SRGAP2: variants seen among roughly 807,000 people sequenced by gnomAD.
The protein encoded by SRGAP2 is SLIT-ROBO Rho GTPase activating protein 2.
Under a neutral mutation model 57.2 loss-of-function variants are expected in SRGAP2, and 15 were observed. The ratio of observed to expected loss-of-function variants is 0.26; its 90% CI spans 0.18 to 0.40. SRGAP2 has a LOEUF of 0.40. Among genes scored for constraint, SRGAP2 ranks in the 10% least tolerant of loss-of-function variants. The probability of loss-of-function intolerance (pLI) is 1.00; values close to 1 mark genes in which losing one functional copy is unlikely to be tolerated. For synonymous variants in SRGAP2, 249 were observed against 248.0 expected (o/e 1.00, Z -0.04); for missense variants, 520 against 669.6 (o/e 0.78, Z 2.47).
chr1:206,279,626 C>T (rs1364226132), intron 2 of SRGAP2, among the ~76,000 whole-genome samples: 1 of 138,066 alleles, frequency 7.2e-6, no homozygotes, highest in African/African-American at 2.9e-5. Context: ...CTTATTTTGC[C>T]CAGGCTGGTC....
intron 2 of SRGAP2, among the ~76,000 whole-genome samples, chr1:206,210,182 A>G (rs1553302144): frequency 6.7e-6 from 1 of 149,118 alleles, no homozygotes; most frequent in Non-Finnish European, 1.5e-5. Context: ...TCTGGGTGGT[A>G]TTTGGGTGAA....
chr1:206,454,412 G>A lies in SRGAP2; in HGVS notation c.2361-466G>A. On this transcript the variant is annotated intron_variant, in intron 20 of 22. Transcript: ENST00000573034. The surrounding 1 kb of genome is among the most constrained non-coding windows in gnomAD (Gnocchi z 4.3). ...CTTGGATGCTCTGAGCGGGGCTAGA[G>A]GCGCTACGACAGTGTGTGGCGGTGT... 1 of 573,142 alleles carries A rather than the reference G, an allele frequency of 1.7e-6. No homozygotes were observed. The highest frequency in any genetic ancestry group is 3.1e-6 in the Non-Finnish European group (1 of 322,784). 35.5% of individuals were successfully genotyped at this position (573,142 alleles called of 1,614,324 possible).
intron 2 of SRGAP2, among the ~76,000 whole-genome samples, chr1:206,293,817 TG>T (rs1406986829): frequency 2.1e-5 from 2 of 96,742 alleles, no homozygotes; most frequent in African/African-American, 7.4e-5. Flanking sequence ...CTGGGTTTGT[TG>T]GTTGATTATC....
At chr1:206,308,792 AGTCT>A (rs1646587400) in intron 3 of SRGAP2, among the ~76,000 whole-genome samples, 1 of 151,744 alleles carries the variant, frequency 6.6e-6, no homozygotes, top group Admixed American at 6.6e-5. Context: ...GGTAACAATC[AGTCT>A]ACTTATTCAA....
At chr1:206,332,173 G>T (rs1471054041) in intron 3 of SRGAP2, among the ~76,000 whole-genome samples, 6 of 115,270 alleles carry the variant, frequency 5.2e-5, no homozygotes, top group Admixed American at 9.5e-5. Context: ...TCTGCCGAGA[G>T]ATCCGCTGTT....
Position 206,461,327 on chromosome 1 carries a change from C to G in SRGAP2, c.3123C>G (p.Pro1041=), listed in dbSNP as rs1172211451. Residue 1041 remains proline, a synonymous_variant, in exon 23 of 23, where the codon CCC becomes CCG. Coordinates refer to ENST00000573034, the MANE Select transcript of SRGAP2 (RefSeq NM_015326.5). ...AAPVKPPATR[P]KPTVFPKTNA... ...CGGTCAAACCACCAGCCACACGGCCCAAGCCCACTGTCTTCCCCAAAACAA... is the reference window on the plus strand; with the variant it reads ...CGGTCAAACCACCAGCCACACGGCCGAAGCCCACTGTCTTCCCCAAAACAA... The G allele has an allele frequency of 1.3e-6, 1 of 780,834 alleles. No individual in the cohort carries two copies. Among genetic ancestry groups the G allele is most frequent in the East Asian group, 2.4e-5 (1 of 41,268 alleles). 48.4% of individuals were successfully genotyped at this position (780,834 alleles called of 1,614,324 possible). A position where few individuals can be genotyped will look rare whatever the true frequency, so the allele number is the denominator to read the frequency against.
chr1:206,248,333 C>T (rs1348013989), intron 2 of SRGAP2, among the ~76,000 whole-genome samples: 1 of 152,106 alleles, frequency 6.6e-6, no homozygotes, highest in African/African-American at 2.4e-5. Flanking sequence ...CTTCATCCGG[C>T]CTCTCAGGGA....
At chr1:206,290,672 A>C (rs1161711573) in intron 2 of SRGAP2, among the ~76,000 whole-genome samples, 1 of 151,712 alleles carries the variant, frequency 6.6e-6, no homozygotes, top group Non-Finnish European at 1.5e-5. Flanking sequence ...AAAGAAGAAG[A>C]AATGTATGTA....
At chr1:206,447,739 G>A (rs782128680) in intron 18 of SRGAP2, among the ~76,000 whole-genome samples, 8 of 152,158 alleles carry the variant, frequency 5.3e-5, no homozygotes, top group Non-Finnish European at 1.0e-4. Flanking sequence ...CAGAACCTCC[G>A]CCCTCACTTC....
chr1:206,419,579 T>C (rs34810523), intron 12 of SRGAP2, among the ~76,000 whole-genome samples, 179 bp downstream of exon 12: 10,932 of 152,204 alleles, frequency 0.072, 1,041 homozygotes, highest in African/African-American at 0.22. Flanking sequence ...TGATCTCAGA[T>C]AGAAATGGGG....
intron 2 of SRGAP2, among the ~76,000 whole-genome samples, chr1:206,266,375 C>CTAGGATTA (rs1321542409): frequency 2.6e-5 from 4 of 152,042 alleles, no homozygotes; most frequent in African/African-American, 9.7e-5. Context: ...TCTCAAGTAG[C>CTAGGATTA]TAGGATTACA....
chr1:206,347,407 G>A (rs1263249587), intron 4 of SRGAP2, among the ~76,000 whole-genome samples: 3 of 150,200 alleles, frequency 2.0e-5, no homozygotes, highest in Admixed American at 6.6e-5. Context: ...GTGAAACCCC[G>A]TCTCTACAAA....
At chr1:206,377,211 T>C (rs1363996502) in intron 4 of SRGAP2, among the ~76,000 whole-genome samples, 8 of 152,158 alleles carry the variant, frequency 5.3e-5, no homozygotes, top group Non-Finnish European at 1.0e-4. Flanking sequence ...GGCCTTAGAC[T>C]AGTCAAGTTT....
intron 17 of SRGAP2, among the ~76,000 whole-genome samples, chr1:206,441,472 C>G (rs1241135839): frequency 6.6e-6 from 1 of 152,154 alleles, no homozygotes; most frequent in Non-Finnish European, 1.5e-5. Flanking sequence ...AGGAAAGGCA[C>G]CAAGCAAGGA....
In SRGAP2 at chr1:206,454,097, G is replaced by A. The variant is rs1553377319; in HGVS notation, c.2360+717G>A. On this transcript the variant is annotated intron_variant, in intron 20 of 22. Coordinates refer to ENST00000573034, the MANE Select transcript of SRGAP2 (RefSeq NM_015326.5). This position sits in a 1 kb window ranked among gnomAD's most constrained non-coding sequence, Gnocchi z 4.3. ...TCCCCAGCTCCCCTCCCTTGGATAC[G>A]ATGCTGTCAGTGTTTTTAGTCCTTC... 1.0e-5 allele frequency: 7 copies of A among 702,000 alleles called. No homozygotes were observed. The highest frequency in any genetic ancestry group is 4.0e-5 in the Admixed American group (2 of 49,920). 43.5% of individuals were successfully genotyped at this position (702,000 alleles called of 1,614,324 possible). A position where few individuals can be genotyped will look rare whatever the true frequency, so the allele number is the denominator to read the frequency against.
intron 2 of SRGAP2, among the ~76,000 whole-genome samples, chr1:206,298,811 C>A (rs1364637982): frequency 6.6e-6 from 1 of 152,096 alleles, no homozygotes; most frequent in African/African-American, 2.4e-5. Flanking sequence ...TATGTGATTT[C>A]TTTCCGCTAT....
intron 5 of SRGAP2, among the ~76,000 whole-genome samples, chr1:206,389,219 G>A (rs1340411343): frequency 7.8e-6 from 1 of 128,126 alleles, no homozygotes; most frequent in African/African-American, 3.2e-5. Context: ...CTGTTGCCCA[G>A]GCTGGAGTGC....
intron 2 of SRGAP2, among the ~76,000 whole-genome samples, chr1:206,233,387 C>T (rs1667749395): frequency 6.6e-6 from 1 of 152,190 alleles, no homozygotes; most frequent in African/African-American, 2.4e-5. Context: ...CACCTGTCTG[C>T]TCTTGCTTCC....
chr1:206,391,615 G>GCGCA (rs868938323), intron 5 of SRGAP2, among the ~76,000 whole-genome samples: 1 of 115,478 alleles, frequency 8.7e-6, no homozygotes, highest in Non-Finnish European at 1.7e-5. Flanking sequence ...ACACACACAT[G>GCGCA]CACACACACA....
Sources: gnomAD v4.1 joint callset for allele counts (sites outside exome capture counted in the v4.1 genomes callset) on GRCh38, gnomAD v4.1.1 for gene constraint, Gnocchi (gnomAD v3.1) non-coding constraint, MANE v1.5 for transcripts, NCBI Gene and HGNC (gene_info 2026-07-23, HGNC 2026-07-21) for gene names.